PIK3R6: variants seen among roughly 807,000 people sequenced by gnomAD.
PIK3R6 encodes phosphoinositide 3-kinase regulatory subunit 6.
Under a neutral mutation model 84.9 loss-of-function variants are expected in PIK3R6, and 91 were observed. That is an observed-to-expected ratio of 1.07 (90% CI 0.90 to 1.28). PIK3R6 has a LOEUF of 1.28. Among genes scored for constraint, PIK3R6 ranks in the 50% most tolerant of loss-of-function variants. PIK3R6 has a pLI of 0.00. For missense variants in PIK3R6, 996 were observed against 985.1 expected, an observed-to-expected ratio of 1.01 and a Z score of -0.15; for synonymous variants, 416 against 411.4, an observed-to-expected ratio of 1.01 and a Z score of -0.13.
intron 13 of PIK3R6, among the ~76,000 whole-genome samples, chr17:8,825,144 GA>G (rs2087876465): frequency 6.6e-6 from 1 of 152,152 alleles, no homozygotes; most frequent in Non-Finnish European, 1.5e-5. Flanking sequence ...GAATTGGACA[GA>G]AGCTGTATGA....
chr17:8,855,355 A>G (rs1318509928), intron 1 of PIK3R6, among the ~76,000 whole-genome samples: 1 of 152,116 alleles, frequency 6.6e-6, no homozygotes, highest in Non-Finnish European at 1.5e-5. Flanking sequence ...ATAACTCTCA[A>G]AATTCAACAG....
chr17:8,822,290 A>C (rs188089870), intron 16 of PIK3R6, among the ~76,000 whole-genome samples: 74 of 152,178 alleles, frequency 4.9e-4, no homozygotes, highest in Non-Finnish European at 1.0e-3. Flanking sequence ...GACCCCAAAG[A>C]ATAAATCTCC....
chr17:8,822,052 CTT>C (rs546514771), intron 16 of PIK3R6, 116 bp from the exon 17 acceptor site: 40,061 of 404,786 alleles, frequency 0.099, 55 homozygotes, highest in South Asian at 0.13. Flanking sequence ...CTGTGAGAGT[CTT>C]TTTTTTTTTT....
At chr17:8,829,089 A>G (rs538069540) in intron 10 of PIK3R6, 99 bp from the exon 11 acceptor site, 29 of 1,118,464 alleles carry the variant, frequency 2.6e-5, no homozygotes, top group African/African-American at 2.6e-4. Context: ...ACACACAGAA[A>G]CACAGACAGA....
intron 5 of PIK3R6, among the ~76,000 whole-genome samples, chr17:8,837,579 C>T (rs564341104): frequency 1.3e-5 from 2 of 152,222 alleles, no homozygotes; most frequent in South Asian, 2.1e-4. Flanking sequence ...AGGAGCAAAC[C>T]CAAAGACCTC....
At chr17:8,867,503 C>T (rs370932482) in intron 1 of PIK3R6, 26 bp downstream of exon 1, 42 of 411,736 alleles carry the variant, frequency 1.0e-4, no homozygotes, top group African/African-American at 3.7e-4. Context: ...GCCTGCCTGG[C>T]GATCTCCATC....
chr17:8,817,407 G>C (rs1279028077), intron 18 of PIK3R6, among the ~76,000 whole-genome samples: 1 of 152,216 alleles, frequency 6.6e-6, no homozygotes, highest in African/African-American at 2.4e-5. Flanking sequence ...ACTTTGGGAA[G>C]CCAAGGCAGG....
intron 2 of PIK3R6, among the ~76,000 whole-genome samples, chr17:8,849,133 A>T (rs569939989): frequency 6.6e-6 from 1 of 152,246 alleles, no homozygotes; most frequent in African/African-American, 2.4e-5. Flanking sequence ...TTTGCCACTT[A>T]CTAGCTGTGT....
chr17:8,828,121 C>A lies in PIK3R6; in HGVS notation c.1383G>T (p.Leu461=). Residue 461 remains leucine (L), a synonymous_variant, in exon 12 of 20, where the codon CTG becomes CTT. Transcript: ENST00000619866. ...CCCGCGGTCCAGTCACCTCAGGCGC[C>A]AGCACGGGGATGTAGTAGAGCTGCA... The part of the protein sequence containing the change: ...LSLQLYYIPV[L]APEKPAASRQ... 6.2e-7 allele frequency: 1 copy of A among 1,613,918 alleles called. No homozygotes were observed. Among genetic ancestry groups the A allele is most frequent in the Non-Finnish European group, 8.5e-7 (1 of 1,179,846 alleles).
At chr17:8,861,236 C>T (rs2089275768) in intron 1 of PIK3R6, among the ~76,000 whole-genome samples, 1 of 151,024 alleles carries the variant, frequency 6.6e-6, no homozygotes, top group African/African-American at 2.4e-5. Flanking sequence ...AATCCATGTT[C>T]TATATTGTGG....
chr17:8,847,599 G>C (rs751539527), intron 2 of PIK3R6, among the ~76,000 whole-genome samples: 3 of 152,042 alleles, frequency 2.0e-5, no homozygotes, highest in African/African-American at 7.2e-5. Context: ...TCAGGAGTTC[G>C]AGACCAGCCT....
In PIK3R6 at chr17:8,803,411, G is replaced by T. The variant is rs1487758528; in HGVS notation, c.2127C>A (p.Cys709Ter). The change falls in exon 20 of 20, where the codon TGC becomes TGA. Residue 709 changes from cysteine to a stop codon, truncating the protein, a stop_gained. Transcript: ENST00000619866. LOFTEE classifies it low-confidence loss of function (END_TRUNC). This position sits in a 1 kb window ranked among gnomAD's most constrained non-coding sequence, Gnocchi z 5.0. ...TCTGGGCCCCAGAACATGGTTCTGG[G>T]CAGGGAGCAACCTCGAATCTGTGGG... ...RDVVRFEVAP[C>*]PEPCSGAQKS... 2.2e-5 allele frequency: 35 copies of T among 1,609,122 alleles called. No individual in the cohort carries two copies. The highest frequency in any genetic ancestry group is 2.5e-5 in the Non-Finnish European group (30 of 1,177,720).
At chr17:8,865,324 C>T (rs1411042550) in intron 1 of PIK3R6, among the ~76,000 whole-genome samples, 4 of 152,192 alleles carry the variant, frequency 2.6e-5, no homozygotes, top group African/African-American at 9.7e-5. Flanking sequence ...CCACCTAGGC[C>T]TCCCTATACC....
At chr17:8,851,227 A>G (rs1320708613) in intron 1 of PIK3R6, among the ~76,000 whole-genome samples, 1 of 151,944 alleles carries the variant, frequency 6.6e-6, no homozygotes, top group South Asian at 2.1e-4. Flanking sequence ...GCCGGGCACG[A>G]TGGTTCACTC....
In PIK3R6 at chr17:8,828,902, C is replaced by T. The variant is rs765808742; in HGVS notation, c.978G>A (p.Pro326=). ...CAGAAACCCGGGCCAACTCCCGGTC[C>T]GGCCGGAGGCCCTGCAGATCCAAGA... ...LEVLDLQGLR[P]DRELARVSVL... Residue 326 remains proline (P), a synonymous_variant, in exon 11 of 20, where the codon CCG becomes CCA. Coordinates refer to ENST00000619866, the MANE Select transcript of PIK3R6 (RefSeq NM_001010855.4). 7.1e-6 allele frequency: 11 copies of T among 1,552,586 alleles called. No homozygotes were observed. In the African/African-American group the frequency reaches 9.6e-5, roughly 14 times the overall value.
At chr17:8,832,488 T>C (rs546643382) in intron 9 of PIK3R6, among the ~76,000 whole-genome samples, 4 of 149,154 alleles carry the variant, frequency 2.7e-5, no homozygotes, top group South Asian at 2.1e-4. Flanking sequence ...GTTCAAGTGA[T>C]TCTCCTAACT....
chr17:8,807,867 C>G, intron 18 of PIK3R6, among the ~76,000 whole-genome samples: 1 of 152,136 alleles, frequency 6.6e-6, no homozygotes, highest in East Asian at 1.9e-4. Flanking sequence ...AGAGTATTGC[C>G]GGGGAGACCA....
chr17:8,813,554 G>C (rs2087429102), intron 18 of PIK3R6, among the ~76,000 whole-genome samples: 1 of 152,168 alleles, frequency 6.6e-6, no homozygotes. Context: ...AAAAGATAAT[G>C]CACTGCAATC....
chr17:8,805,113 C>G (rs2087164374), intron 18 of PIK3R6, among the ~76,000 whole-genome samples: 1 of 152,134 alleles, frequency 6.6e-6, no homozygotes, highest in Admixed American at 6.5e-5. Context: ...AGCCAGAAGT[C>G]TGTGGACAGG....
Sources: gnomAD v4.1 joint callset for allele counts (sites outside exome capture counted in the v4.1 genomes callset) on GRCh38, gnomAD v4.1.1 for gene constraint, Gnocchi (gnomAD v3.1) non-coding constraint, MANE v1.5 for transcripts, NCBI Gene and HGNC (gene_info 2026-07-23, HGNC 2026-07-21) for gene names.